LRRC4C: variants seen among roughly 807,000 people sequenced by gnomAD.
LRRC4C encodes leucine rich repeat containing 4C.
In LRRC4C, 5 loss-of-function variants were observed where a neutral mutation model predicts 33.6. The observed-to-expected ratio is 0.15, with a 90% CI of 0.08 to 0.31. The LOEUF (loss-of-function observed/expected upper bound fraction) is 0.31, where lower values mean the gene tolerates loss of function less well. Among genes scored for constraint, LRRC4C ranks in the 10% least tolerant of loss-of-function variants. The pLI is 1.00. For missense variants in LRRC4C, 560 were observed against 796.7 expected, an observed-to-expected ratio of 0.70 and a Z score of 3.58; for synonymous variants, 329 against 302.0, an observed-to-expected ratio of 1.09 and a Z score of -0.93.
At chr11:40,212,370 C>T (rs1655869923) in intron 5 of LRRC4C, among the ~76,000 whole-genome samples, 1 of 151,742 alleles carries the variant, frequency 6.6e-6, no homozygotes, top group Non-Finnish European at 1.5e-5. Context: ...AGGAGCAAAG[C>T]ACCCAGGGTA....
chr11:40,535,984 A>G (rs971114789), intron 3 of LRRC4C, among the ~76,000 whole-genome samples: 1 of 152,142 alleles, frequency 6.6e-6, no homozygotes, highest in Non-Finnish European at 1.5e-5. Flanking sequence ...TTCATTTTTT[A>G]CTTAAGGTAA....
At chr11:40,509,604 T>G (rs1955209986) in intron 3 of LRRC4C, among the ~76,000 whole-genome samples, 1 of 152,158 alleles carries the variant, frequency 6.6e-6, no homozygotes, top group African/African-American at 2.4e-5. Context: ...CCTTCTTTAG[T>G]GCATTTCATA....
intron 2 of LRRC4C, among the ~76,000 whole-genome samples, chr11:40,789,071 T>A (rs1950529778): frequency 8.3e-6 from 1 of 120,706 alleles, no homozygotes; most frequent in African/African-American, 3.4e-5. Context: ...CCAGCCTGGG[T>A]GAGAGCAAGA....
chr11:40,732,592 G>A (rs908718226), intron 2 of LRRC4C, among the ~76,000 whole-genome samples: 2 of 152,154 alleles, frequency 1.3e-5, no homozygotes, highest in African/African-American at 4.8e-5. Context: ...CATAAGGAAG[G>A]AAATAGTGTG....
intron 3 of LRRC4C, among the ~76,000 whole-genome samples, chr11:40,482,195 A>G (rs929645577): frequency 6.6e-6 from 1 of 152,214 alleles, no homozygotes; most frequent in African/African-American, 2.4e-5. Flanking sequence ...AGAGCAGATC[A>G]AAGAGTCATC....
chr11:40,122,593 C>A (rs943845217), intron 6 of LRRC4C, among the ~76,000 whole-genome samples: 2 of 152,102 alleles, frequency 1.3e-5, no homozygotes, highest in South Asian at 4.1e-4. Context: ...ACAGACAGTG[C>A]CAAACTTTGT....
chr11:40,379,847 T>G (rs966531437), intron 3 of LRRC4C, among the ~76,000 whole-genome samples: 1 of 152,192 alleles, frequency 6.6e-6, no homozygotes, highest in African/African-American at 2.4e-5. Context: ...CAACATCACC[T>G]GGGAATTTGT....
chr11:41,291,624 T>C (rs115724859), intron 1 of LRRC4C, among the ~76,000 whole-genome samples: 231 of 152,254 alleles, frequency 1.5e-3, no homozygotes, highest in African/African-American at 5.4e-3. Flanking sequence ...ACTGGAAGAA[T>C]GTTTTTCATA....
intron 1 of LRRC4C, among the ~76,000 whole-genome samples, chr11:41,155,057 C>A (rs1944167187): frequency 6.6e-6 from 1 of 152,050 alleles, no homozygotes; most frequent in Admixed American, 6.6e-5. Flanking sequence ...ATTAGAAAGT[C>A]CAAATGGTAA....
Position 40,567,450 on chromosome 11 carries a change from G to A in LRRC4C, c.-270+80692C>T, listed in dbSNP as rs116084555. Among the ~76,000 whole-genome samples, 794 of 152,218 alleles carry A rather than the reference G, an allele frequency of 5.2e-3. 10 individuals are homozygous for A. The highest frequency in any genetic ancestry group is 0.018 in the African/African-American group (760 of 41,538). On this transcript the variant is annotated intron_variant, in intron 3 of 6. Transcript: ENST00000528697. Reference sequence around the variant, plus strand: ...TTAATCCTTCCAACAGCAGTTTGACGTAATTATAATTGCTCCATTTTATAG... The same window carrying A: ...TTAATCCTTCCAACAGCAGTTTGACATAATTATAATTGCTCCATTTTATAG...
chr11:40,144,185 C>A (rs569703748), intron 5 of LRRC4C, among the ~76,000 whole-genome samples: 2 of 152,184 alleles, frequency 1.3e-5, no homozygotes, highest in East Asian at 3.9e-4. Context: ...TGAGATGATA[C>A]CCATAAACCA....
intron 6 of LRRC4C, among the ~76,000 whole-genome samples, chr11:40,137,805 T>C (rs1345535034): frequency 6.6e-6 from 1 of 152,216 alleles, no homozygotes; most frequent in Non-Finnish European, 1.5e-5. Flanking sequence ...TCAGGATAAC[T>C]TGGGATAGTT....
chr11:41,344,069 C>T (rs893181590), intron 1 of LRRC4C, among the ~76,000 whole-genome samples: 9 of 152,070 alleles, frequency 5.9e-5, no homozygotes, highest in Non-Finnish European at 8.8e-5. Context: ...GCCTTTGATT[C>T]GTTTTGATGA....
intron 2 of LRRC4C, among the ~76,000 whole-genome samples, chr11:40,926,998 C>T (rs1475229581): frequency 6.6e-6 from 1 of 151,986 alleles, no homozygotes; most frequent in East Asian, 1.9e-4. Context: ...TGTTGTAAAA[C>T]ATAAAGCTAA....
chr11:40,116,389 C>G lies in LRRC4C; in HGVS notation c.-42-55G>C. ...ATTAGATTAGATTTATTCTAAGTGT[C>G]TTTCTGGAGTAATGTCGGTGATATA... On this transcript the variant is annotated intron_variant, in intron 6 of 6. Transcript: ENST00000528697. 3 of 1,489,488 alleles carry G rather than the reference C, an allele frequency of 2.0e-6. No individual in the cohort carries two copies. In the Admixed American group the frequency reaches 6.9e-5, roughly 34 times the overall value. 92.3% of individuals were successfully genotyped at this position (1,489,488 alleles called of 1,614,324 possible). A position where few individuals can be genotyped will look rare whatever the true frequency, so the allele number is the denominator to read the frequency against.
intron 3 of LRRC4C, among the ~76,000 whole-genome samples, chr11:40,532,595 G>T (rs1025480892): frequency 1.3e-5 from 2 of 151,780 alleles, no homozygotes; most frequent in Non-Finnish European, 2.9e-5. Flanking sequence ...GATATCTAGT[G>T]TCATGTAAGG....
At chr11:40,265,843 C>A (rs1942213464) in intron 4 of LRRC4C, among the ~76,000 whole-genome samples, 1 of 152,064 alleles carries the variant, frequency 6.6e-6, no homozygotes, top group South Asian at 2.1e-4. Context: ...GCTGCGGGGG[C>A]AATGGCAAAT....
At chr11:40,764,973 G>A (rs79085309) in intron 2 of LRRC4C, among the ~76,000 whole-genome samples, 1,634 of 152,190 alleles carry the variant, frequency 0.011, 26 homozygotes, top group African/African-American at 0.037. Flanking sequence ...GCCTTCCCAC[G>A]AAGGATAGGT....
intron 5 of LRRC4C, among the ~76,000 whole-genome samples, chr11:40,233,070 C>T (rs1173117613): frequency 6.6e-6 from 1 of 152,196 alleles, no homozygotes; most frequent in Admixed American, 6.5e-5. Context: ...TTTAGCTACA[C>T]TAGACTTTTA....
Sources: gnomAD v4.1 joint callset for allele counts (sites outside exome capture counted in the v4.1 genomes callset) on GRCh38, gnomAD v4.1.1 for gene constraint, MANE v1.5 for transcripts, NCBI Gene and HGNC (gene_info 2026-07-23, HGNC 2026-07-21) for gene names.